The following SMARCD3 variants were observed in gnomAD, a reference collection of about 807,000 sequenced individuals.
SMARCD3 encodes SWI/SNF-related matrix-associated actin-dependent regulator of chromatin subfamily D member 3.
SMARCD3 carries 14 observed loss-of-function variants against 58.0 expected under a neutral mutation model. The ratio of observed to expected loss-of-function variants is 0.24; its 90% CI spans 0.16 to 0.38. The LOEUF (loss-of-function observed/expected upper bound fraction) is 0.38, where lower values mean the gene tolerates loss of function less well. SMARCD3 is among the 10% of genes least tolerant of loss of function. The probability of loss-of-function intolerance (pLI) is 1.00; values close to 1 mark genes in which losing one functional copy is unlikely to be tolerated. For synonymous variants in SMARCD3, 253 were observed against 253.8 expected (o/e 1.00, Z 0.03); for missense variants, 408 against 636.9 (o/e 0.64, Z 3.87).
chr7:151,240,771 C>T (rs1802946137), intron 8 of SMARCD3: 1 of 516,916 alleles, frequency 1.9e-6, no homozygotes, highest in Non-Finnish European at 3.5e-6. Context: ...GCTTATGTAT[C>T]AGTCCTGCCT....
chr7:151,274,501 T>C (rs1795278735), intron 2 of SMARCD3, among the ~76,000 whole-genome samples: 1 of 152,208 alleles, frequency 6.6e-6, no homozygotes, highest in African/African-American at 2.4e-5. Context: ...GAGGTCCGCC[T>C]GGGGCAGGGC....
Position 151,239,738 on chromosome 7 carries a change from C to T in SMARCD3, c.1182G>A (p.Glu394=), listed in dbSNP as rs936068030. 1.1e-5 allele frequency: 17 copies of T among 1,613,648 alleles called. No individual in the cohort carries two copies. The highest frequency in any genetic ancestry group is 1.4e-5 in the Non-Finnish European group (16 of 1,179,948). The change falls in exon 11 of 13, where the codon GAG becomes GAA. Residue 394 remains glutamate (E), a synonymous_variant. Transcript: ENST00000262188. The surrounding 1 kb of genome is among the most constrained non-coding windows in gnomAD (Gnocchi z 7.0). ...EISALDSKIH[E]TIESINQLKI... ...TGAGCTGGTTTATGGACTCAATCGT[C>T]TCATGGATCTGCAGGTAGAAAGATA...
At chr7:151,266,198 G>T (rs1019075245) in intron 2 of SMARCD3, among the ~76,000 whole-genome samples, 1 of 152,022 alleles carries the variant, frequency 6.6e-6, no homozygotes, top group Admixed American at 6.6e-5. Flanking sequence ...TCAAATTCCT[G>T]ACCTCAAATG....
chr7:151,265,171 T>C (rs1012208647), intron 2 of SMARCD3, among the ~76,000 whole-genome samples: 2 of 152,212 alleles, frequency 1.3e-5, no homozygotes, highest in Non-Finnish European at 2.9e-5. Flanking sequence ...TGTGACCTTA[T>C]TTGGAGAGAG....
At chr7:151,240,360 G>A in intron 9 of SMARCD3, 65 bp downstream of exon 9, 1 of 1,587,418 alleles carries the variant, frequency 6.3e-7, no homozygotes, top group Non-Finnish European at 8.6e-7. Flanking sequence ...GGAGGAGAGG[G>A]AGGGGCAGGG....
rs549684320 is a variant in SMARCD3, at chr7:151,242,877, C to T, written c.334-34G>A. Reference sequence around the variant, plus strand: ...GGAGGAGCAGGGCAGGAGTCAGAGGCTCAAGTCCAGGGTTGTACCATGGAA... The same window carrying T: ...GGAGGAGCAGGGCAGGAGTCAGAGGTTCAAGTCCAGGGTTGTACCATGGAA... On this transcript the variant is annotated intron_variant, in intron 3 of 12. Transcript: ENST00000262188. The surrounding 1 kb of genome is among the most constrained non-coding windows in gnomAD (Gnocchi z 4.7). 1.1e-4 allele frequency: 184 copies of T among 1,612,626 alleles called. 2 individuals carry two copies.
At chr7:151,277,010 C>G (rs1412174078), upstream of SMARCD3, 2 of 149,852 alleles carry the variant, frequency 1.3e-5, no homozygotes, top group Middle Eastern at 6.3e-3. Flanking sequence ...GCGGGGGCGC[C>G]GGCGCAGCGC....
intron 2 of SMARCD3, among the ~76,000 whole-genome samples, chr7:151,264,768 C>T (rs564782781): frequency 4.6e-5 from 7 of 152,232 alleles, no homozygotes; most frequent in East Asian, 1.9e-4. Context: ...GTGGTGGTGG[C>T]GGTGGAGGGG....
At chr7:151,274,732 G>A (rs377309408) in intron 2 of SMARCD3, among the ~76,000 whole-genome samples, 1 of 152,362 alleles carries the variant, frequency 6.6e-6, no homozygotes. Flanking sequence ...AGTGAGAGGA[G>A]ATGGGGTGTT....
intron 2 of SMARCD3, among the ~76,000 whole-genome samples, chr7:151,271,209 C>T (rs1428855940): frequency 6.6e-6 from 1 of 152,150 alleles, no homozygotes; most frequent in Non-Finnish European, 1.5e-5. Flanking sequence ...CCGCACAATC[C>T]CTTTCCCAGG....
chr7:151,242,050 T>A lies in SMARCD3; in HGVS notation c.676-72A>T. The A allele has an allele frequency of 6.5e-7, 1 of 1,540,830 alleles. No homozygotes were observed. ...GGTGGGGCCCAGGACTCTAGGGTGGTCCCTGACCCAAATCTGTGCTGGTTC... is the reference window on the plus strand; with the variant it reads ...GGTGGGGCCCAGGACTCTAGGGTGGACCCTGACCCAAATCTGTGCTGGTTC... On this transcript the variant is annotated intron_variant, in intron 6 of 12. Transcript: ENST00000262188. The surrounding 1 kb of genome is among the most constrained non-coding windows in gnomAD (Gnocchi z 4.7).
intron 2 of SMARCD3, among the ~76,000 whole-genome samples, chr7:151,254,120 ATCTCTGGCTCC>A (rs967993499): frequency 6.6e-5 from 10 of 152,180 alleles, no homozygotes; most frequent in African/African-American, 2.4e-4. Flanking sequence ...TGTGGGAGCC[ATCTCTGGCTCC>A]ACTGGCCTCC....
chr7:151,253,589 G>A (rs1490437645), upstream of SMARCD3, among the ~76,000 whole-genome samples: 1 of 58 alleles, frequency 0.017, no homozygotes, highest in Non-Finnish European at 0.031. Flanking sequence ...GGAGAGCGGG[G>A]CTGGGCGCTG....
intron 2 of SMARCD3, among the ~76,000 whole-genome samples, chr7:151,266,266 G>A (rs1804075833): frequency 6.6e-6 from 1 of 151,666 alleles, no homozygotes; most frequent in Non-Finnish European, 1.5e-5. Flanking sequence ...CACCGCACCC[G>A]GCCATTTTTT....
At chr7:151,264,871 C>T (rs1185932924) in intron 2 of SMARCD3, among the ~76,000 whole-genome samples, 1 of 152,180 alleles carries the variant, frequency 6.6e-6, no homozygotes, top group African/African-American at 2.4e-5. Flanking sequence ...GGAGGCTGCC[C>T]TGTGGCTCTT....
chr7:151,257,952 C>G (rs1256167010), intron 2 of SMARCD3, among the ~76,000 whole-genome samples: 1 of 152,194 alleles, frequency 6.6e-6, no homozygotes, highest in Non-Finnish European at 1.5e-5. Context: ...GGCATTTCCA[C>G]CTGGGTCTTC....
At chr7:151,256,668 G>A (rs1044676508) in intron 2 of SMARCD3, among the ~76,000 whole-genome samples, 4 of 152,062 alleles carry the variant, frequency 2.6e-5, no homozygotes, top group African/African-American at 4.8e-5. Context: ...AAATATGCCC[G>A]CTCCCACACC....
At chr7:151,259,547 G>A (rs916820076) in intron 2 of SMARCD3, among the ~76,000 whole-genome samples, 5 of 147,640 alleles carry the variant, frequency 3.4e-5, no homozygotes, top group African/African-American at 7.6e-5. Flanking sequence ...CTCCAAGCCC[G>A]TTCAGGATCT....
At chr7:151,240,691 G>T in intron 8 of SMARCD3, 169 bp from the exon 9 acceptor site, 6 of 534,580 alleles carry the variant, frequency 1.1e-5, no homozygotes, top group Non-Finnish European at 1.0e-5. Flanking sequence ...GGAGCCACCG[G>T]TATGGCTGAC....
Sources: allele counts gnomAD v4.1 joint callset (sites outside exome capture counted in the v4.1 genomes callset), GRCh38; gene constraint gnomAD v4.1.1; non-coding constraint Gnocchi (gnomAD v3.1); transcripts MANE v1.5; gene names NCBI Gene and HGNC (gene_info 2026-07-23, HGNC 2026-07-21).